The following NXPH2 variants were observed in gnomAD, a reference collection of about 807,000 sequenced individuals.
NXPH2 encodes neurexophilin-2.
In NXPH2, 5 loss-of-function variants were observed where a neutral mutation model predicts 19.8. The observed-to-expected ratio is 0.25, with a 90% CI of 0.13 to 0.53. The LOEUF (loss-of-function observed/expected upper bound fraction) is 0.53, where lower values mean the gene tolerates loss of function less well. Among genes scored for constraint, NXPH2 ranks in the 20% least tolerant of loss-of-function variants. The probability of loss-of-function intolerance (pLI) is 0.96; values close to 1 mark genes in which losing one functional copy is unlikely to be tolerated. For missense variants in NXPH2, 289 were observed against 322.8 expected (o/e 0.90, Z 0.80); for synonymous variants, 154 against 127.4 (o/e 1.21, Z -1.41).
intron 1 of NXPH2, among the ~76,000 whole-genome samples, chr2:138,779,502 C>G (rs891669700): frequency 3.3e-5 from 5 of 152,142 alleles, no homozygotes; most frequent in African/African-American, 1.2e-4. Flanking sequence ...GCCACCCAGA[C>G]CAGGCGGGCG....
At chr2:138,761,602 C>T (rs2104839336) in intron 1 of NXPH2, among the ~76,000 whole-genome samples, 1 of 152,280 alleles carries the variant, frequency 6.6e-6, no homozygotes, top group Non-Finnish European at 1.5e-5. Context: ...AAGGGGTTTC[C>T]TGTGCCACTT....
intron 1 of NXPH2, among the ~76,000 whole-genome samples, chr2:138,674,017 C>T (rs1469956542): frequency 6.6e-6 from 1 of 152,068 alleles, no homozygotes; most frequent in African/African-American, 2.4e-5. Flanking sequence ...CAGGATATCA[C>T]TCTGTCACCC....
chr2:138,711,022 T>C (rs1299037270), intron 1 of NXPH2, among the ~76,000 whole-genome samples: 1 of 152,138 alleles, frequency 6.6e-6, no homozygotes, highest in East Asian at 1.9e-4. Context: ...GGGGAGATGC[T>C]CCTTTTGACT....
chr2:138,669,949 A>T lies in NXPH2; in HGVS notation c.*973T>A, dbSNP rs1680391145. Among the ~76,000 whole-genome samples the T allele has an allele frequency of 6.6e-6, 1 of 152,176 alleles. No individual in the cohort carries two copies. Among genetic ancestry groups the T allele is most frequent in the Non-Finnish European group, 1.5e-5 (1 of 68,024 alleles). On this transcript the variant is annotated 3_prime_UTR_variant, in exon 2 of 2. Transcript: ENST00000272641. Reference sequence around the variant, plus strand: ...AAATGCAAGGGGAACTTAATCTGGGAGGCTAGAAATAATGAATCCATAATC... The same window carrying T: ...AAATGCAAGGGGAACTTAATCTGGGTGGCTAGAAATAATGAATCCATAATC...
intron 1 of NXPH2, among the ~76,000 whole-genome samples, chr2:138,748,287 G>C (rs1266602308): frequency 6.6e-6 from 1 of 152,180 alleles, no homozygotes; most frequent in Non-Finnish European, 1.5e-5. Flanking sequence ...GGTTGACTCA[G>C]TGAGGACTGC....
chr2:138,719,024 A>G (rs957971004), intron 1 of NXPH2, among the ~76,000 whole-genome samples: 2 of 152,214 alleles, frequency 1.3e-5, no homozygotes, highest in African/African-American at 4.8e-5. Context: ...GAAAAATTAC[A>G]ACACAAAAAC....
At chr2:138,751,685 A>G (rs140471499) in intron 1 of NXPH2, among the ~76,000 whole-genome samples, 1,869 of 152,274 alleles carry the variant, frequency 0.012, 20 homozygotes, top group Middle Eastern at 0.051. Context: ...TGGCCACCAG[A>G]TAAAATAGTG....
intron 1 of NXPH2, among the ~76,000 whole-genome samples, chr2:138,702,525 A>G (rs1482396537): frequency 2.0e-5 from 3 of 152,124 alleles, no homozygotes; most frequent in African/African-American, 7.2e-5. Flanking sequence ...CCCCTACCCA[A>G]CCACTATCAG....
At chr2:138,671,751 A>G in intron 1 of NXPH2, 86 bp from the exon 2 acceptor site, 3 of 1,322,582 alleles carry the variant, frequency 2.3e-6, no homozygotes, top group Non-Finnish European at 3.1e-6. Flanking sequence ...AAGGGAAATT[A>G]TTTCAACATT....
At chr2:138,746,530 T>C (rs1681737027) in intron 1 of NXPH2, among the ~76,000 whole-genome samples, 1 of 152,214 alleles carries the variant, frequency 6.6e-6, no homozygotes, top group African/African-American at 2.4e-5. Context: ...CAAGAAGCTT[T>C]GGTGGGCAAG....
intron 1 of NXPH2, among the ~76,000 whole-genome samples, chr2:138,716,089 C>T (rs1681191997): frequency 6.6e-6 from 1 of 152,196 alleles, no homozygotes; most frequent in South Asian, 2.1e-4. Flanking sequence ...GCTATTATCT[C>T]TGGTGTTTCT....
chr2:138,689,778 T>C (rs1361840191), intron 1 of NXPH2, among the ~76,000 whole-genome samples: 1 of 152,142 alleles, frequency 6.6e-6, no homozygotes, highest in Non-Finnish European at 1.5e-5. Flanking sequence ...AAGTGATTCA[T>C]TAGGTCTTTA....
intron 1 of NXPH2, among the ~76,000 whole-genome samples, chr2:138,725,805 A>ATGT (rs1681347249): frequency 6.6e-6 from 1 of 152,184 alleles, no homozygotes; most frequent in East Asian, 1.9e-4. Context: ...CCCTGCATAA[A>ATGT]AAATCCATTT....
At chr2:138,735,763 T>C (rs1681529105) in intron 1 of NXPH2, among the ~76,000 whole-genome samples, 1 of 152,218 alleles carries the variant, frequency 6.6e-6, no homozygotes, top group Admixed American at 6.5e-5. Context: ...AAGCAAGTCC[T>C]TTCTGCCTAT....
At chr2:138,679,087 G>C (rs1421270250) in intron 1 of NXPH2, among the ~76,000 whole-genome samples, 5 of 152,174 alleles carry the variant, frequency 3.3e-5, no homozygotes, top group South Asian at 4.1e-4. Flanking sequence ...TTCTTCTCCG[G>C]AGCTACATGT....
intron 1 of NXPH2, among the ~76,000 whole-genome samples, chr2:138,767,490 A>T (rs1304500703): frequency 6.6e-6 from 1 of 152,220 alleles, no homozygotes; most frequent in Non-Finnish European, 1.5e-5. Flanking sequence ...ACATGTGCAG[A>T]ACATGCAGGT....
rs72986885 is a variant in NXPH2 at position 138,691,098 on chromosome 2, G to T, written c.52-19433C>A. 3.6e-3 allele frequency among the ~76,000 whole-genome samples: 546 copies of T among 152,328 alleles called. 3 individuals carry two copies. The highest frequency in any genetic ancestry group is 9.0e-3 in the African/African-American group (373 of 41,572). ...GAATTCTGAGAATTGCATGAGGCTA[G>T]TGTGGAGAAAGGGCACAAGGTGATT... On this transcript the variant is annotated intron_variant, in intron 1 of 1. Transcript: ENST00000272641.
chr2:138,769,799 T>C (rs1682147298), intron 1 of NXPH2, among the ~76,000 whole-genome samples: 1 of 152,164 alleles, frequency 6.6e-6, no homozygotes, highest in Admixed American at 6.5e-5. Context: ...TAGTAACTTA[T>C]CTATGAAATT....
rs977032653 is a variant in NXPH2, at chr2:138,760,736, C to T, written c.51+19455G>A. On this transcript the variant is annotated intron_variant, in intron 1 of 1. Transcript: ENST00000272641. ...TATCTCCCAGGCAGAAACCCAAGAA[C>T]TTGCATTTTTAGAAACTATCCCAGA... Among the ~76,000 whole-genome samples the T allele has an allele frequency of 2.6e-5, 4 of 152,162 alleles. No individual in the cohort carries two copies. In the South Asian group the frequency reaches 8.3e-4, roughly 32 times the overall value.
Sources: gnomAD v4.1 joint callset for allele counts (sites outside exome capture counted in the v4.1 genomes callset) on GRCh38, gnomAD v4.1.1 for gene constraint, MANE v1.5 for transcripts, NCBI Gene and HGNC (gene_info 2026-07-23, HGNC 2026-07-21) for gene names.